The following WBP1L variants were observed in gnomAD, a reference collection of about 807,000 sequenced individuals.
WBP1L encodes WW domain binding protein 1 like.
A neutral mutation model predicts 33.7 loss-of-function variants in WBP1L; 17 were observed. The observed-to-expected ratio is 0.50, with a 90% CI of 0.34 to 0.76. The LOEUF (loss-of-function observed/expected upper bound fraction) is 0.76. Ranked by LOEUF, WBP1L falls within the 30% of genes least tolerant of loss-of-function variation. WBP1L has a pLI of 0.01. For synonymous variants in WBP1L, 173 were observed against 190.8 expected (o/e 0.91, Z 0.77); for missense variants, 389 against 469.4 (o/e 0.83, Z 1.58).
intron 1 of WBP1L, among the ~76,000 whole-genome samples, chr10:102,786,660 T>C (rs780536604): frequency 1.3e-5 from 2 of 152,240 alleles, no homozygotes; most frequent in African/African-American, 2.4e-5. Flanking sequence ...TTCACTGTGT[T>C]GCCCTTCCTC....
At chr10:102,768,421 C>G (rs1843141934) in intron 1 of WBP1L, among the ~76,000 whole-genome samples, 1 of 36,218 alleles carries the variant, frequency 2.8e-5, no homozygotes, top group Admixed American at 2.7e-4. Flanking sequence ...CTCTGTCGCC[C>G]AGGCTGGACT....
intron 1 of WBP1L, among the ~76,000 whole-genome samples, chr10:102,752,779 T>C (rs17114956): frequency 0.01 from 1,595 of 152,294 alleles, 23 homozygotes; most frequent in African/African-American, 0.036. Context: ...ACGCTTAGCC[T>C]GTGGAAATCA....
chr10:102,748,992 C>T (rs1842896994), intron 1 of WBP1L, among the ~76,000 whole-genome samples: 1 of 152,076 alleles, frequency 6.6e-6, no homozygotes, highest in Admixed American at 6.6e-5. Flanking sequence ...GTGGCAGAAG[C>T]TTTGTGTGTG....
chr10:102,804,995 C>G (rs1379039277), intron 2 of WBP1L, among the ~76,000 whole-genome samples: 2 of 151,324 alleles, frequency 1.3e-5, no homozygotes, highest in Non-Finnish European at 2.9e-5. Flanking sequence ...CAAAAACAAC[C>G]ATGTTGGCCA....
chr10:102,792,167 T>G (rs1387071268), intron 1 of WBP1L, among the ~76,000 whole-genome samples: 1 of 152,244 alleles, frequency 6.6e-6, no homozygotes, highest in Non-Finnish European at 1.5e-5. Flanking sequence ...GTTTTCTGTT[T>G]GGTAACCATG....
At chr10:102,785,854 TC>T (rs1843407573) in intron 1 of WBP1L, among the ~76,000 whole-genome samples, 1 of 152,180 alleles carries the variant, frequency 6.6e-6, no homozygotes, top group Admixed American at 6.5e-5. Flanking sequence ...TGCTTTTCCT[TC>T]TAAGTGTCCA....
At chr10:102,794,127 T>C (rs372313394) in intron 1 of WBP1L, among the ~76,000 whole-genome samples, 15 of 149,946 alleles carry the variant, frequency 1.0e-4, no homozygotes, top group African/African-American at 3.4e-4. Context: ...CGGGAGGTGT[T>C]TGAGTCCTAG....
intron 1 of WBP1L, among the ~76,000 whole-genome samples, chr10:102,758,799 G>T (rs1564754584): frequency 1.3e-5 from 2 of 152,194 alleles, no homozygotes; most frequent in Non-Finnish European, 2.9e-5. Context: ...CTTCTAAGTG[G>T]TTGACAAGGT....
At position 102,810,069 on chromosome 10, in the gene WBP1L, G is replaced by A. The variant is rs979757824; in HGVS notation, c.355+15G>A. Reference sequence around the variant, plus strand: ...ATTTTATTTCAGTACGTACACCCAAGCCCCCATACCCACCCTCAGGAGCTC... The same window carrying A: ...ATTTTATTTCAGTACGTACACCCAAACCCCCATACCCACCCTCAGGAGCTC... On this transcript the variant is annotated intron_variant, in intron 3 of 3. Coordinates refer to ENST00000448841, the MANE Select transcript of WBP1L (RefSeq NM_001083913.2). 2.5e-6 allele frequency: 4 copies of A among 1,598,154 alleles called. No homozygotes were observed. The African/African-American group carries it at 4.0e-5, about 16-fold the overall frequency.
Position 102,794,122 on chromosome 10 carries a change from G to A in WBP1L, c.91-3871G>A, listed in dbSNP as rs528862488. On this transcript the variant is annotated intron_variant, in intron 1 of 3. Transcript: ENST00000448841. Reference sequence around the variant, plus strand: ...TTGTGTAGATCTTAAGCCACCGGGAGGTGTTTGAGTCCTAGGTGTGCAACA... The same window carrying A: ...TTGTGTAGATCTTAAGCCACCGGGAAGTGTTTGAGTCCTAGGTGTGCAACA... Among the ~76,000 whole-genome samples, 3 of 128,110 alleles carry A rather than the reference G, an allele frequency of 2.3e-5. No individual in the cohort carries two copies. The South Asian group carries it at 7.7e-4, about 33-fold the overall frequency. The allele number at this position is 128,110 out of a possible 152,430, so 84.0% of individuals were successfully genotyped here. A position where few individuals can be genotyped will look rare whatever the true frequency, so the allele number is the denominator to read the frequency against.
chr10:102,804,697 T>G (rs1227963744), intron 2 of WBP1L, among the ~76,000 whole-genome samples: 2 of 152,182 alleles, frequency 1.3e-5, no homozygotes, highest in Admixed American at 6.6e-5. Flanking sequence ...CCCAGACTGA[T>G]GTGAAATCAC....
chr10:102,812,759 TC>T lies in WBP1L; in HGVS notation c.523del (p.Gln175ArgfsTer70). 1 of 1,613,332 alleles carries T rather than the reference TC, an allele frequency of 6.2e-7. No individual in the cohort carries two copies. The highest frequency in any genetic ancestry group is 8.5e-7 in the Non-Finnish European group (1 of 1,179,740). On this transcript the variant is annotated frameshift_variant, in exon 4 of 4. Transcript: ENST00000448841. LOFTEE classifies it high-confidence loss of function. Reference sequence around the variant, plus strand: ...CCCGGGCATCGATCCCACCAGGGGATCCCAGGGGGCACAGAGCAGCCCCTTG... The same window carrying T: ...CCCGGGCATCGATCCCACCAGGGGATCCAGGGGGCACAGAGCAGCCCCTTG... ...SPPGIDPTRG[S>X]QGAQSSPLSE...
intron 1 of WBP1L, among the ~76,000 whole-genome samples, chr10:102,777,473 T>A (rs188395496): frequency 2.0e-5 from 3 of 152,162 alleles, no homozygotes; most frequent in Admixed American, 2.0e-4. Flanking sequence ...ACAGCTCTTG[T>A]TATCTTCAGA....
intron 1 of WBP1L, among the ~76,000 whole-genome samples, chr10:102,793,148 A>G (rs990228539): frequency 2.6e-5 from 4 of 152,226 alleles, no homozygotes; most frequent in African/African-American, 9.6e-5. Flanking sequence ...GATGCTTGGA[A>G]GAAAAGCATA....
intron 2 of WBP1L, 108 bp downstream of exon 2, chr10:102,798,203 G>A: frequency 1.1e-6 from 1 of 878,312 alleles, no homozygotes; most frequent in Middle Eastern, 2.2e-4. Flanking sequence ...TGGGGACAGT[G>A]TTGGTGAGTG....
At chr10:102,749,880 G>A (rs1263123096) in intron 1 of WBP1L, among the ~76,000 whole-genome samples, 2 of 150,560 alleles carry the variant, frequency 1.3e-5, no homozygotes, top group East Asian at 4.0e-4. Context: ...CGGGTTCAAG[G>A]GATTCTCATG....
chr10:102,785,456 G>A (rs1359034567), intron 1 of WBP1L, among the ~76,000 whole-genome samples: 1 of 150,154 alleles, frequency 6.7e-6, no homozygotes, highest in Non-Finnish European at 1.5e-5. Context: ...CAAAGTGCTG[G>A]GATTACAGGC....
chr10:102,811,126 G>GCCGGGCTCAGTGGCTCACA (rs199550612), intron 3 of WBP1L, among the ~76,000 whole-genome samples: 1 of 152,012 alleles, frequency 6.6e-6, no homozygotes, highest in Non-Finnish European at 1.5e-5. Context: ...ACAATTGTGG[G>GCCGGGCTCAGTGGCTCACA]CCGGGCTCAG....
intron 2 of WBP1L, among the ~76,000 whole-genome samples, chr10:102,804,429 AT>A (rs1252859943): frequency 4.1e-5 from 6 of 148,116 alleles, no homozygotes; most frequent in African/African-American, 1.5e-4. Context: ...TAAAAAAAAA[AT>A]TATACTTCTG....
Sources: gnomAD v4.1 joint callset for allele counts (sites outside exome capture counted in the v4.1 genomes callset) on GRCh38, gnomAD v4.1.1 for gene constraint, MANE v1.5 for transcripts, NCBI Gene and HGNC (gene_info 2026-07-23, HGNC 2026-07-21) for gene names.